Variants in DGKZ observed in about 807,000 individuals in gnomAD.
The protein encoded by DGKZ is diacylglycerol kinase zeta.
DGKZ carries 45 observed loss-of-function variants against 142.5 expected under a neutral mutation model. The ratio of observed to expected loss-of-function variants is 0.32; its 90% CI spans 0.25 to 0.40. The LOEUF (loss-of-function observed/expected upper bound fraction) is 0.40. DGKZ is among the 10% of genes least tolerant of loss of function. The pLI is 1.00. For synonymous variants in DGKZ, 442 were observed against 527.0 expected, an observed-to-expected ratio of 0.84 and a Z score of 2.21; for missense variants, 755 against 1,306.5, an observed-to-expected ratio of 0.58 and a Z score of 6.51.
At chr11:46,336,832 C>T (rs1940039185) in intron 1 of DGKZ, among the ~76,000 whole-genome samples, 1 of 152,162 alleles carries the variant, frequency 6.6e-6, no homozygotes, top group Non-Finnish European at 1.5e-5. Context: ...GGGTCACAAG[C>T]ATGACCCACT....
At chr11:46,366,377 C>G in intron 1 of DGKZ, 1 of 1,521,432 alleles carries the variant, frequency 6.6e-7, no homozygotes, top group Non-Finnish European at 8.8e-7. Context: ...CCCCGCTGGG[C>G]AGGCCTCCTC....
chr11:46,366,491 C>A, intron 1 of DGKZ: 1 of 1,579,814 alleles, frequency 6.3e-7, no homozygotes, highest in Non-Finnish European at 8.6e-7. Flanking sequence ...CAGCACTGTG[C>A]CCCCTTCCTG....
chr11:46,379,989 G>A lies in DGKZ; in HGVS notation c.*42G>A, dbSNP rs182846843. 6.4e-6 allele frequency: 10 copies of A among 1,551,110 alleles called. No homozygotes were observed. In the East Asian group the frequency reaches 9.3e-5, roughly 14 times the overall value. On this transcript the variant is annotated 3_prime_UTR_variant, in exon 31 of 31. Coordinates refer to ENST00000527911, the Ensembl canonical transcript of DGKZ. ...AGCAGGAGGGACAATGCGGCCAGGG[G>A]ACGAGCGCCTTCCTTGCCCACCTCA...
At chr11:46,333,226 A>G in exon 1 of DGKZ, 1 of 1,238,328 alleles carries the variant, frequency 8.1e-7, no homozygotes, top group Non-Finnish European at 1.0e-6. Flanking sequence ...CTCGAACTTG[A>G]GCGGGTGCCC....
Position 46,360,254 on chromosome 11 carries a change from A to T in DGKZ, c.162-7037A>T, listed in dbSNP as rs941263494. 7.9e-5 allele frequency among the ~76,000 whole-genome samples: 12 copies of T among 152,272 alleles called. No individual in the cohort carries two copies. In the South Asian group the frequency reaches 2.5e-3, roughly 32 times the overall value. ...ATTTATAAAAGTGTTGTTTATATTAACGTAATGGGCTTATTGTTTTAAGCT... is the reference window on the plus strand; with the variant it reads ...ATTTATAAAAGTGTTGTTTATATTATCGTAATGGGCTTATTGTTTTAAGCT... On this transcript the variant is annotated intron_variant, in intron 1 of 30. Coordinates refer to ENST00000527911, the Ensembl canonical transcript of DGKZ.
At chr11:46,349,145 C>A (rs748342833) in intron 1 of DGKZ, among the ~76,000 whole-genome samples, 8 of 152,246 alleles carry the variant, frequency 5.3e-5, no homozygotes, top group Non-Finnish European at 8.8e-5. Context: ...AGCACATGCA[C>A]AGATCTGAAT....
At chr11:46,350,427 C>G (rs993492778) in intron 1 of DGKZ, among the ~76,000 whole-genome samples, 1 of 152,212 alleles carries the variant, frequency 6.6e-6, no homozygotes, top group Non-Finnish European at 1.5e-5. Flanking sequence ...TCATCTTATC[C>G]CAGCTCCATG....
chr11:46,367,129 G>A lies in DGKZ; in HGVS notation c.162-162G>A. 1 of 1,284,126 alleles carries A rather than the reference G, an allele frequency of 7.8e-7. No individual in the cohort carries two copies. Among genetic ancestry groups the A allele is most frequent in the Non-Finnish European group, 1.1e-6 (1 of 916,004 alleles). 79.5% of individuals were successfully genotyped at this position (1,284,126 alleles called of 1,614,324 possible). On this transcript the variant is annotated intron_variant, in intron 1 of 30. Coordinates refer to ENST00000527911, the Ensembl canonical transcript of DGKZ. This position sits in a 1 kb window ranked among gnomAD's most constrained non-coding sequence, Gnocchi z 4.1. ...CCCTGAAGCCAGCGTACCCCAAAAG[G>A]CCATGTCTCTTGCAGGGAGCCTCTT...
exon 25 of DGKZ, chr11:46,377,189 C>G: frequency 1.9e-6 from 3 of 1,600,214 alleles, no homozygotes; most frequent in Non-Finnish European, 2.6e-6. Context: ...CTCTCCCCAC[C>G]TCACCCTGCT....
chr11:46,350,122 G>T (rs150562612), intron 1 of DGKZ, among the ~76,000 whole-genome samples: 360 of 152,298 alleles, frequency 2.4e-3, no homozygotes, highest in African/African-American at 8.2e-3. Flanking sequence ...CTGTGCTGGG[G>T]ATAGTGGGGC....
At chr11:46,371,902 T>C in intron 9 of DGKZ, 127 bp downstream of exon 9, 2 of 1,300,966 alleles carry the variant, frequency 1.5e-6, no homozygotes, top group Non-Finnish European at 1.1e-6. Context: ...CTGGGGCCTC[T>C]GAGGAAGGCA....
intron 1 of DGKZ, among the ~76,000 whole-genome samples, chr11:46,352,314 G>A (rs1334898006): frequency 6.6e-6 from 1 of 152,256 alleles, no homozygotes; most frequent in East Asian, 1.9e-4. Context: ...GGGGGCGACA[G>A]CTGCCGTTGT....
chr11:46,362,759 C>T (rs749827491), intron 1 of DGKZ, among the ~76,000 whole-genome samples: 33 of 152,180 alleles, frequency 2.2e-4, no homozygotes, highest in Admixed American at 3.9e-4. Flanking sequence ...GTGTCCTGTC[C>T]GCTCCAGCTG....
chr11:46,343,630 C>A (rs2136384468), upstream of DGKZ, among the ~76,000 whole-genome samples: 2 of 152,340 alleles, frequency 1.3e-5, no homozygotes, highest in South Asian at 4.1e-4. Flanking sequence ...CTCACAATGG[C>A]CTTGAACTCC....
intron 1 of DGKZ, among the ~76,000 whole-genome samples, chr11:46,355,776 T>A (rs899382947): frequency 9.2e-5 from 14 of 152,266 alleles, no homozygotes; most frequent in Admixed American, 1.3e-4. Flanking sequence ...GATGGAGTTT[T>A]GCTCTTGTTG....
chr11:46,377,032 C>T (rs757034545), intron 24 of DGKZ, 41 bp from the exon 25 acceptor site: 59 of 1,574,530 alleles, frequency 3.7e-5, no homozygotes, highest in Non-Finnish European at 4.6e-5. Flanking sequence ...CGGCCCCCAC[C>T]GTCAGGTGCC....
intron 1 of DGKZ, among the ~76,000 whole-genome samples, chr11:46,339,836 A>G (rs1250938470): frequency 6.6e-6 from 1 of 152,234 alleles, no homozygotes; most frequent in East Asian, 1.9e-4. Context: ...AGGCCCCTCC[A>G]AGGTCCAGGG....
intron 1 of DGKZ, among the ~76,000 whole-genome samples, chr11:46,334,689 A>G (rs1362399796): frequency 1.3e-5 from 2 of 152,296 alleles, no homozygotes; most frequent in East Asian, 3.9e-4. Context: ...GGTATACTAG[A>G]AATCGTGGGT....
At chr11:46,369,781 C>T (rs553332708) in intron 5 of DGKZ, 160 bp from the exon 6 acceptor site, 222 of 909,660 alleles carry the variant, frequency 2.4e-4, no homozygotes, top group Non-Finnish European at 3.6e-4. Context: ...GAGTCTGAGC[C>T]TCCCCCAGGC....
Sources: gnomAD v4.1 joint callset for allele counts (sites outside exome capture counted in the v4.1 genomes callset) on GRCh38, gnomAD v4.1.1 for gene constraint, Gnocchi (gnomAD v3.1) non-coding constraint, MANE v1.5 for transcripts, NCBI Gene and HGNC (gene_info 2026-07-23, HGNC 2026-07-21) for gene names.